The following SMOX variants were observed in gnomAD, a reference collection of about 807,000 sequenced individuals.
SMOX encodes the protein flavin containing amine oxidase.
SMOX carries 22 observed loss-of-function variants against 51.0 expected under a neutral mutation model. The observed-to-expected ratio is 0.43, with a 90% CI of 0.31 to 0.62. SMOX has a LOEUF of 0.62. Among genes scored for constraint, SMOX ranks in the 20% least tolerant of loss-of-function variants. SMOX has a pLI of 0.10. For synonymous variants in SMOX, 282 were observed against 307.8 expected, an observed-to-expected ratio of 0.92 and a Z score of 0.88; for missense variants, 566 against 777.7, an observed-to-expected ratio of 0.73 and a Z score of 3.24.
At chr20:4,168,011 A>G (rs895446574) in intron 1 of SMOX, among the ~76,000 whole-genome samples, 2 of 151,828 alleles carry the variant, frequency 1.3e-5, no homozygotes, top group African/African-American at 2.4e-5. Flanking sequence ...CAAGAATCCA[A>G]ATCCCTCCCC....
intron 6 of SMOX, among the ~76,000 whole-genome samples, chr20:4,185,925 G>A (rs1056048242): frequency 6.8e-6 from 1 of 148,116 alleles, no homozygotes; most frequent in Non-Finnish European, 1.5e-5. Flanking sequence ...AACCCCTGGC[G>A]CCCTAAACAC....
At chr20:4,159,611 A>C (rs551565176) in intron 1 of SMOX, among the ~76,000 whole-genome samples, 4 of 152,334 alleles carry the variant, frequency 2.6e-5, no homozygotes, top group African/African-American at 7.2e-5. Flanking sequence ...AGGTGTATTC[A>C]GCTAAAAATA....
chr20:4,160,659 C>T (rs1368997737), intron 1 of SMOX, among the ~76,000 whole-genome samples: 1 of 152,202 alleles, frequency 6.6e-6, no homozygotes, highest in Non-Finnish European at 1.5e-5. Context: ...GGATATTTTC[C>T]TTTTTTCGTT....
rs1231469662 is a variant in SMOX, at chr20:4,167,612, G to A, written c.-26-7418G>A. ...GTTGGCCAAGTGGGGCCTGGAGAAG[G>A]GAAGACACTGGCCCAGGGGTCACCT... On this transcript the variant is annotated intron_variant, in intron 1 of 6. Coordinates refer to ENST00000305958, the MANE Select transcript of SMOX (RefSeq NM_175839.3). This position sits in a 1 kb window ranked among gnomAD's most constrained non-coding sequence, Gnocchi z 4.8. Among the ~76,000 whole-genome samples the A allele has an allele frequency of 6.6e-6, 1 of 152,118 alleles. No homozygotes were observed. Among genetic ancestry groups the A allele is most frequent in the Non-Finnish European group, 1.5e-5 (1 of 68,014 alleles).
intron 1 of SMOX, among the ~76,000 whole-genome samples, chr20:4,171,245 T>C (rs567557630): frequency 4.5e-4 from 68 of 152,104 alleles, no homozygotes; most frequent in Non-Finnish European, 9.4e-4. Context: ...TAAGTGATTC[T>C]CCTTCCTCAG....
At chr20:4,169,301 T>C (rs1337847786) in intron 1 of SMOX, among the ~76,000 whole-genome samples, 1 of 152,052 alleles carries the variant, frequency 6.6e-6, no homozygotes, top group African/African-American at 2.4e-5. Context: ...CTGTAATAGC[T>C]CTGGCCACAC....
At chr20:4,178,112 G>A (rs1979024966) in intron 3 of SMOX, among the ~76,000 whole-genome samples, 1 of 152,202 alleles carries the variant, frequency 6.6e-6, no homozygotes, top group South Asian at 2.1e-4. Context: ...CGCGATCTCA[G>A]CTCACTGTAA....
In SMOX at chr20:4,182,156, C is replaced by T; in HGVS notation, c.677C>T (p.Thr226Ile). ...EVSLSAFGEW[T>I]EIPGAHHIIP... is the part of the protein sequence containing the mutation. ...TCCCTGAGCGCCTTCGGGGAGTGGA[C>T]CGAGATCCCCGGCGCTCACCACATC... Residue 226 changes from threonine to isoleucine, a missense_variant, in exon 5 of 7, where the codon ACC becomes ATC. By Grantham distance (89) the Thr-to-Ile change is moderately conservative (BLOSUM62 -1). Transcript: ENST00000305958. The surrounding 1 kb of genome is among the most constrained non-coding windows in gnomAD (Gnocchi z 8.4). 3 of 1,612,784 alleles carry T rather than the reference C, an allele frequency of 1.9e-6. No individual in the cohort carries two copies. The highest frequency in any genetic ancestry group is 2.5e-6 in the Non-Finnish European group (3 of 1,179,644).
At chr20:4,173,987 C>T (rs575207585) in intron 1 of SMOX, among the ~76,000 whole-genome samples, 106 of 152,388 alleles carry the variant, frequency 7.0e-4, no homozygotes, top group African/African-American at 2.5e-3. Flanking sequence ...GTGTAACTGT[C>T]AATTTCATGT....
intron 6 of SMOX, among the ~76,000 whole-genome samples, chr20:4,185,392 C>T (rs1979655274): frequency 2.0e-5 from 3 of 152,252 alleles, no homozygotes; most frequent in Middle Eastern, 6.8e-3. Context: ...CACCTGGGAG[C>T]TAGTTAGAAA....
rs1385946679 is a variant in SMOX at position 4,175,892 on chromosome 20, GC to G, written c.208+630del. On this transcript the variant is annotated intron_variant, in intron 2 of 6. Coordinates refer to ENST00000305958, the MANE Select transcript of SMOX (RefSeq NM_175839.3). ...TCCCTAGGTCAGGGCTTCCCAACTG[GC>G]GGGGGAGGGGGTGGGGGGGGGATGG... Among the ~76,000 whole-genome samples, 253 of 145,930 alleles carry G rather than the reference GC, an allele frequency of 1.7e-3. 3 individuals are homozygous for G. Among genetic ancestry groups the G allele is most frequent in the African/African-American group, 5.5e-3 (218 of 39,572 alleles).
chr20:4,175,075 G>T lies in SMOX; in HGVS notation c.20G>T (p.Ser7Ile). The T allele has an allele frequency of 1.2e-6, 2 of 1,614,248 alleles. No individual in the cohort carries two copies. The highest frequency in any genetic ancestry group is 1.7e-6 in the Non-Finnish European group (2 of 1,180,048). The change falls in exon 2 of 7, where the codon AGT becomes ATT. Residue 7 changes from serine (S) to isoleucine (I), a missense_variant. This residue lies in a region of SMOX where 217 missense variants were observed against 278.4 expected (regional missense o/e 0.78). Transcript: ENST00000305958. ...GACGGTATGCAAAGTTGTGAATCCA[G>T]TGGTGACAGTGCGGATGACCCTCTC... MQSCES[S>I]GDSADDPLSR...
At chr20:4,162,164 C>T (rs1986363254) in intron 1 of SMOX, among the ~76,000 whole-genome samples, 1 of 152,216 alleles carries the variant, frequency 6.6e-6, no homozygotes, top group African/African-American at 2.4e-5. Flanking sequence ...GCAGGGCGGC[C>T]CGGGTGGGGC....
intron 1 of SMOX, among the ~76,000 whole-genome samples, chr20:4,158,030 A>G (rs1019710189): frequency 6.6e-6 from 1 of 150,886 alleles, no homozygotes; most frequent in African/African-American, 2.4e-5. Flanking sequence ...CCTCCCGAGT[A>G]GCTGGGACTA....
chr20:4,162,666 T>C (rs986676124), intron 1 of SMOX, among the ~76,000 whole-genome samples: 12 of 152,166 alleles, frequency 7.9e-5, no homozygotes, highest in African/African-American at 2.9e-4. Flanking sequence ...AGGGTGCATC[T>C]TGGGGGAGAC....
chr20:4,174,947 G>A, intron 1 of SMOX, 83 bp from the exon 2 acceptor site: 1 of 1,374,524 alleles, frequency 7.3e-7, no homozygotes, highest in Non-Finnish European at 1.0e-6. Context: ...AGGGCAGAGT[G>A]TGATGAAAGC....
rs141026768 is a variant in SMOX at position 4,162,407 on chromosome 20, T to C, written c.-26-12623T>C. 6.6e-5 allele frequency among the ~76,000 whole-genome samples: 10 copies of C among 152,344 alleles called. No individual in the cohort carries two copies. In the East Asian group the frequency reaches 1.9e-3, roughly 29 times the overall value. ...AGTGTTGGAATCACACGTTGAGAGA[T>C]GATACTGTTAGCAGTGCCTCTGAGC... On this transcript the variant is annotated intron_variant, in intron 1 of 6. Coordinates refer to ENST00000305958, the MANE Select transcript of SMOX (RefSeq NM_175839.3).
chr20:4,177,531 G>C lies in SMOX; in HGVS notation c.389G>C (p.Arg130Thr). The change falls in exon 3 of 7, where the codon AGG becomes ACG. Residue 130 changes from arginine to threonine, a missense_variant. By Grantham distance (71) the Arg-to-Thr change is moderately conservative (BLOSUM62 -1). Transcript: ENST00000305958. The surrounding 1 kb of genome is among the most constrained non-coding windows in gnomAD (Gnocchi z 4.3). Reference protein sequence around the residue: ...VACYLTNHGRRIPKDVVEEFS... With the variant: ...VACYLTNHGRTIPKDVVEEFS... ...TGCTACCTTACCAACCACGGCCGCA[G>C]GATCCCCAAGGACGTGGTTGAGGAA... is the stretch of plus-strand genomic sequence containing the variant. 1 of 1,596,526 alleles carries C rather than the reference G, an allele frequency of 6.3e-7. No homozygotes were observed. Among genetic ancestry groups the C allele is most frequent in the East Asian group, 2.2e-5 (1 of 44,468 alleles).
rs558619927 is a variant in SMOX, at chr20:4,153,774, G to A, written c.-27+4797G>A. ...GCTCCCTTCTCTGGCAGGGGAGCAT[G>A]GGGGAGGCCTGTCCACGGTGCCCAA... On this transcript the variant is annotated intron_variant, in intron 1 of 6. Coordinates refer to ENST00000305958, the MANE Select transcript of SMOX (RefSeq NM_175839.3). This position sits in a 1 kb window ranked among gnomAD's most constrained non-coding sequence, Gnocchi z 4.4. 6.6e-6 allele frequency among the ~76,000 whole-genome samples: 1 copy of A among 152,324 alleles called. No homozygotes were observed. Among genetic ancestry groups the A allele is most frequent in the South Asian group, 2.1e-4 (1 of 4,826 alleles).
Sources: gnomAD v4.1 joint callset for allele counts (sites outside exome capture counted in the v4.1 genomes callset) on GRCh38, gnomAD v4.1.1 for gene constraint, gnomAD v4.1.1 regional missense constraint, Gnocchi (gnomAD v3.1) non-coding constraint, MANE v1.5 for transcripts, NCBI Gene and HGNC (gene_info 2026-07-23, HGNC 2026-07-21) for gene names.